TPPP: variants seen among roughly 807,000 people sequenced by gnomAD.
TPPP encodes tubulin polymerization-promoting protein.
TPPP carries 6 observed loss-of-function variants against 15.5 expected under a neutral mutation model. That is an observed-to-expected ratio of 0.39 (90% CI 0.21 to 0.77). The LOEUF (loss-of-function observed/expected upper bound fraction) is 0.77. TPPP is among the 30% of genes least tolerant of loss of function. The pLI is 0.42. For missense variants in TPPP, 269 were observed against 307.2 expected, an observed-to-expected ratio of 0.88 and a Z score of 0.93; for synonymous variants, 146 against 133.9, an observed-to-expected ratio of 1.09 and a Z score of -0.63.
At chr5:675,079 GCAT>G (rs1740360312) in intron 2 of TPPP, among the ~76,000 whole-genome samples, 1 of 72,634 alleles carries the variant, frequency 1.4e-5, no homozygotes. Context: ...CAGGGGTGCA[GCAT>G]GGGGGGTTCA....
In TPPP at chr5:664,741, C is replaced by G. The variant is rs1353407306; in HGVS notation, c.*361G>C. The G allele has an allele frequency of 4.3e-6, 1 of 230,462 alleles. No individual in the cohort carries two copies. The highest frequency in any genetic ancestry group is 8.6e-6 in the Non-Finnish European group (1 of 116,416). 14.3% of individuals were successfully genotyped at this position (230,462 alleles called of 1,614,324 possible). A position where few individuals can be genotyped will look rare whatever the true frequency, so the allele number is the denominator to read the frequency against. On this transcript the variant is annotated 3_prime_UTR_variant, in exon 4 of 4. Transcript: ENST00000360578. The stretch of plus-strand genomic sequence containing the variant: ...GGGCTCCTGGAAGGTGTCTGCCGCT[C>G]AGGAGGTCAGCACAGCCTCCTGTTG...
In TPPP at chr5:671,581, C is replaced by T. The variant is rs988099160; in HGVS notation, c.312-5458G>A. 1.5e-4 allele frequency among the ~76,000 whole-genome samples: 23 copies of T among 152,230 alleles called. 1 individual carries two copies. The highest frequency in any genetic ancestry group is 3.9e-4 in the East Asian group (2 of 5,194). Reference sequence around the variant, plus strand: ...CCAAGCGCAGGAGACGGGTGCCTGTCGCCGCACAGTGCTCTGGGGATTGCT... The same window carrying T: ...CCAAGCGCAGGAGACGGGTGCCTGTTGCCGCACAGTGCTCTGGGGATTGCT... On this transcript the variant is annotated intron_variant, in intron 2 of 3. Transcript: ENST00000360578.
chr5:685,398 G>A (rs183369248), intron 1 of TPPP, among the ~76,000 whole-genome samples: 2 of 152,364 alleles, frequency 1.3e-5, no homozygotes, highest in African/African-American at 4.8e-5. Flanking sequence ...CGTCTCACAT[G>A]GCGTCCTCCG....
chr5:683,758 T>TC (rs1740690133), intron 1 of TPPP, among the ~76,000 whole-genome samples: 1 of 152,280 alleles, frequency 6.6e-6, no homozygotes, highest in Non-Finnish European at 1.5e-5. Flanking sequence ...TCAGCAGTAT[T>TC]CAGGCATCTC....
intron 2 of TPPP, among the ~76,000 whole-genome samples, chr5:671,595 C>T (rs546484916): frequency 3.9e-5 from 6 of 152,360 alleles, no homozygotes; most frequent in South Asian, 2.1e-4. Context: ...GCACAGTGCT[C>T]TGGGGATTGC....
chr5:670,788 G>A lies in TPPP; in HGVS notation c.312-4665C>T, dbSNP rs56374802. ...CAGAGGACCTAGAGCAACGTTTCCCGGGGCCGACAGAGGTCGGTGGCAAGC... is the reference window on the plus strand; with the variant it reads ...CAGAGGACCTAGAGCAACGTTTCCCAGGGCCGACAGAGGTCGGTGGCAAGC... On this transcript the variant is annotated intron_variant, in intron 2 of 3. Coordinates refer to ENST00000360578, the MANE Select transcript of TPPP (RefSeq NM_007030.3). Among the ~76,000 whole-genome samples the A allele has an allele frequency of 4.7e-3, 712 of 152,300 alleles. 6 individuals carry two copies. The highest frequency in any genetic ancestry group is 0.016 in the African/African-American group (684 of 41,562).
At chr5:683,946 CA>C (rs1441267855) in intron 1 of TPPP, among the ~76,000 whole-genome samples, 1 of 152,222 alleles carries the variant, frequency 6.6e-6, no homozygotes, top group East Asian at 1.9e-4. Context: ...AAGTCCTGTC[CA>C]GGGGGAGCAC....
chr5:693,375 C>G (rs887727145), upstream of TPPP: 15 of 147,954 alleles, frequency 1.0e-4, no homozygotes, highest in South Asian at 3.6e-4. Context: ...CCGCGCCCGC[C>G]CGTCCCGCCC....
intron 2 of TPPP, among the ~76,000 whole-genome samples, chr5:669,607 G>A (rs1740121695): frequency 6.6e-6 from 1 of 152,162 alleles, no homozygotes; most frequent in Non-Finnish European, 1.5e-5. Context: ...GAGGCACGCA[G>A]CCCTTTCTGA....
chr5:664,952 G>T lies in TPPP; in HGVS notation c.*150C>A. On this transcript the variant is annotated 3_prime_UTR_variant, in exon 4 of 4. Transcript: ENST00000360578. ...GGGGCATCCGGTAGGAGGAGGGGCA[G>T]GAGGGAGGCCTGGGCCTGGCCGCCC... The T allele has an allele frequency of 1.2e-6, 1 of 850,504 alleles. No homozygotes were observed. The highest frequency in any genetic ancestry group is 2.6e-5 in the East Asian group (1 of 38,364). 52.7% of individuals were successfully genotyped at this position (850,504 alleles called of 1,614,324 possible). A position where few individuals can be genotyped will look rare whatever the true frequency, so the allele number is the denominator to read the frequency against.
intron 2 of TPPP, among the ~76,000 whole-genome samples, chr5:672,275 G>C (rs1329722877): frequency 1.3e-5 from 2 of 151,186 alleles, no homozygotes; most frequent in Non-Finnish European, 2.9e-5. Flanking sequence ...AGGGAGCCTG[G>C]CCCTGCTGTT....
At chr5:666,495 G>C (rs1400273904) in intron 2 of TPPP, among the ~76,000 whole-genome samples, 4 of 152,198 alleles carry the variant, frequency 2.6e-5, no homozygotes, top group African/African-American at 9.6e-5. Flanking sequence ...TGGGGCCCCG[G>C]CTCTGCCTGT....
intron 1 of TPPP, among the ~76,000 whole-genome samples, chr5:692,116 C>CCT (rs1740896286): frequency 9.0e-6 from 1 of 110,624 alleles, no homozygotes. Flanking sequence ...CCCAACCCCA[C>CCT]ATCAAAACAG....
chr5:697,164 G>T (rs1478728719), upstream of TPPP, among the ~76,000 whole-genome samples: 20 of 145,230 alleles, frequency 1.4e-4, no homozygotes, highest in African/African-American at 4.7e-4. Context: ...TGCAGGTTCC[G>T]GGTCTTGCTG....
upstream of TPPP, among the ~76,000 whole-genome samples, chr5:693,999 G>A (rs1395339089): frequency 6.1e-5 from 8 of 130,304 alleles, no homozygotes; most frequent in South Asian, 2.6e-4. Context: ...CAGCTGCTCG[G>A]GAGTGGGCCG....
chr5:686,872 G>A (rs1397892007), intron 1 of TPPP, among the ~76,000 whole-genome samples: 3 of 142,748 alleles, frequency 2.1e-5, no homozygotes, highest in African/African-American at 7.5e-5. Flanking sequence ...GAATGACCGA[G>A]TGCCTTATCA....
At chr5:685,222 C>T (rs1740734900) in intron 1 of TPPP, among the ~76,000 whole-genome samples, 1 of 152,234 alleles carries the variant, frequency 6.6e-6, no homozygotes, top group African/African-American at 2.4e-5. Context: ...CAGGCCTGGG[C>T]TGAGGCTCTG....
intron 1 of TPPP, among the ~76,000 whole-genome samples, chr5:684,464 G>A (rs1740713718): frequency 6.6e-6 from 1 of 152,110 alleles, no homozygotes. Context: ...GAGGACAAGG[G>A]GACAGCAACA....
chr5:672,520 C>CCCCA (rs1487151721), intron 2 of TPPP, among the ~76,000 whole-genome samples: 3 of 152,266 alleles, frequency 2.0e-5, no homozygotes, highest in African/African-American at 7.2e-5. Context: ...GGCTGGGTGC[C>CCCCA]CCCACCTGAG....
Sources: gnomAD v4.1 joint callset for allele counts (sites outside exome capture counted in the v4.1 genomes callset) on GRCh38, gnomAD v4.1.1 for gene constraint, MANE v1.5 for transcripts, NCBI Gene and HGNC (gene_info 2026-07-23, HGNC 2026-07-21) for gene names.